The following CFAP46 variants were observed in gnomAD, a reference collection of about 807,000 sequenced individuals.
CFAP46 encodes cilia- and flagella-associated protein 46.
CFAP46 carries 245 observed loss-of-function variants against 325.7 expected under a neutral mutation model. The ratio of observed to expected loss-of-function variants is 0.75; its 90% CI spans 0.68 to 0.84. CFAP46 has a LOEUF of 0.84. Among genes scored for constraint, CFAP46 ranks in the 40% least tolerant of loss-of-function variants. CFAP46 has a pLI of 0.00. For synonymous variants in CFAP46, 1,523 were observed against 1,495.9 expected, an observed-to-expected ratio of 1.02 and a Z score of -0.42; for missense variants, 3,346 against 3,543.0, an observed-to-expected ratio of 0.94 and a Z score of 1.41.
chr10:132,897,061 A>G (rs1849329695), intron 24 of CFAP46, among the ~76,000 whole-genome samples: 1 of 152,222 alleles, frequency 6.6e-6, no homozygotes, highest in Admixed American at 6.5e-5. Context: ...ATCCACATGG[A>G]AAAGGCTGAT....
intron 39 of CFAP46, among the ~76,000 whole-genome samples, chr10:132,854,276 C>A (rs1356418223): frequency 6.6e-6 from 1 of 152,106 alleles, no homozygotes; most frequent in Non-Finnish European, 1.5e-5. Context: ...ATGACATTTG[C>A]TATTTATTTT....
chr10:132,820,154 G>A (rs1055619023), intron 50 of CFAP46, among the ~76,000 whole-genome samples: 10 of 152,262 alleles, frequency 6.6e-5, no homozygotes, highest in East Asian at 3.8e-4. Context: ...TAAAGGTGAC[G>A]ACGGAGCAGG....
chr10:132,929,848 C>T (rs188690422), intron 8 of CFAP46, 44 bp from the exon 9 acceptor site: 401 of 1,450,180 alleles, frequency 2.8e-4, no homozygotes, highest in Non-Finnish European at 3.6e-4. Context: ...ATAGGGGGCA[C>T]AGGAAACATG....
Position 132,899,534 on chromosome 10 carries a change from C to A in CFAP46, c.3056+1G>T, listed in dbSNP as rs1448087726. The A allele has an allele frequency of 3.2e-6, 5 of 1,546,148 alleles. No individual in the cohort carries two copies. Among genetic ancestry groups the A allele is most frequent in the Non-Finnish European group, 4.4e-6 (5 of 1,145,460 alleles). On this transcript the variant is annotated splice_donor_variant, in intron 23 of 57. Coordinates refer to ENST00000368586, the MANE Select transcript of CFAP46 (RefSeq NM_001200049.3). LOFTEE classifies it high-confidence loss of function. The stretch of plus-strand genomic sequence containing the variant: ...CACCCCAGCCCCTTAGAGCCACACA[C>A]CTGGCGCTCTCCGTGAAGGCCTTGG...
intron 34 of CFAP46, 68 bp downstream of exon 34, chr10:132,867,307 C>T (rs1356204755): frequency 6.6e-7 from 1 of 1,520,786 alleles, no homozygotes; most frequent in African/African-American, 1.4e-5. Context: ...AGCTGCAGCC[C>T]TGCATGGCCA....
At chr10:132,879,005 C>CG (rs1564787657) in intron 29 of CFAP46, among the ~76,000 whole-genome samples, 1 of 152,152 alleles carries the variant, frequency 6.6e-6, no homozygotes, top group Admixed American at 6.5e-5. Flanking sequence ...CGTCAGCGGG[C>CG]GGTTCAGGAG....
In CFAP46 at chr10:132,902,722, G is replaced by A. The variant is rs562445070; in HGVS notation, c.2925-3056C>T. Among the ~76,000 whole-genome samples, 65 of 152,296 alleles carry A rather than the reference G, an allele frequency of 4.3e-4. 1 individual carries two copies. The highest frequency in any genetic ancestry group is 1.5e-3 in the African/African-American group (64 of 41,556). On this transcript the variant is annotated intron_variant, in intron 22 of 57. Transcript: ENST00000368586. ...AATTTCTTACTTTATGCTGGACGTC[G>A]TGAGGGCTCTGCTGCTGAAAGTGTG...
Position 132,929,780 on chromosome 10 carries a change from C to T in CFAP46, c.891G>A (p.Ala297=), listed in dbSNP as rs114232252. 9.9e-6 allele frequency: 16 copies of T among 1,609,160 alleles called. 1 individual carries two copies. In the Middle Eastern group the frequency reaches 6.6e-4, roughly 67 times the overall value. Residue 297 remains alanine (A), a synonymous_variant, in exon 9 of 58, where the codon GCG becomes GCA. Transcript: ENST00000368586. ...EEKMLLLFEL[A]RFSLTLKCME... Reference sequence around the variant, plus strand: ...TGCATTTCAAGGTCAAGGAAAAACGCGCCAATTCAAAAAGCAAAAGCATTC... The same window carrying T: ...TGCATTTCAAGGTCAAGGAAAAACGTGCCAATTCAAAAAGCAAAAGCATTC...
chr10:132,931,077 C>T (rs1435574980), intron 8 of CFAP46, among the ~76,000 whole-genome samples: 1 of 95,544 alleles, frequency 1.0e-5, no homozygotes, highest in Admixed American at 9.9e-5. Context: ...CTCCTCTCCA[C>T]ACAGAGCCTG....
At chr10:132,850,122 A>G (rs1848511611) in intron 41 of CFAP46, 122 bp downstream of exon 41, 2 of 1,019,882 alleles carry the variant, frequency 2.0e-6, no homozygotes, top group Non-Finnish European at 2.9e-6. Flanking sequence ...TACTTCCTAC[A>G]TTTTTCTCTC....
rs1284517127 is a variant in CFAP46 at position 132,899,072 on chromosome 10, G to T, written c.3106C>A (p.His1036Asn). 1 of 1,550,382 alleles carries T rather than the reference G, an allele frequency of 6.5e-7. No individual in the cohort carries two copies. Among genetic ancestry groups the T allele is most frequent in the African/African-American group, 1.4e-5 (1 of 73,040 alleles). ...SSALVMLAARHYWNAWLPLLS... is the reference protein window; with the variant it reads ...SSALVMLAARNYWNAWLPLLS... ...AGTGGGAGCCAGGCGTTCCAGTAAT[G>T]CCGCGCGGCCAGCATCACCAGGGCG... Residue 1036 changes from histidine (H) to asparagine (N), a missense_variant, in exon 24 of 58, where the codon CAT becomes AAT. Physicochemically the swap from His to Asn is moderately conservative, Grantham distance 68. Coordinates refer to ENST00000368586, the MANE Select transcript of CFAP46 (RefSeq NM_001200049.3).
chr10:132,854,733 T>C (rs929173761), intron 39 of CFAP46, among the ~76,000 whole-genome samples: 1 of 152,172 alleles, frequency 6.6e-6, no homozygotes, highest in Non-Finnish European at 1.5e-5. Context: ...GTTCACAACA[T>C]TGTGCCACCA....
At chr10:132,815,421 C>T (rs911848294) in intron 50 of CFAP46, among the ~76,000 whole-genome samples, 7 of 152,222 alleles carry the variant, frequency 4.6e-5, no homozygotes, top group African/African-American at 1.7e-4. Context: ...ATGGGGCCCA[C>T]TGCCTGACCG....
intron 7 of CFAP46, among the ~76,000 whole-genome samples, chr10:132,936,712 G>A (rs528729358): frequency 4.0e-5 from 6 of 150,238 alleles, no homozygotes; most frequent in East Asian, 1.9e-4. Context: ...GCTTAAAGCC[G>A]CCCTCTCCCT....
rs189703167 is a variant in CFAP46, at chr10:132,884,589, C to T, written c.3627+514G>A. Among the ~76,000 whole-genome samples, 72 of 152,278 alleles carry T rather than the reference C, an allele frequency of 4.7e-4. No individual in the cohort carries two copies. Among genetic ancestry groups the T allele is most frequent in the African/African-American group, 1.6e-3 (65 of 41,566 alleles). On this transcript the variant is annotated intron_variant, in intron 27 of 57. Coordinates refer to ENST00000368586, the MANE Select transcript of CFAP46 (RefSeq NM_001200049.3). The surrounding 1 kb of genome is among the most constrained non-coding windows in gnomAD (Gnocchi z 5.4). ...CTGACAAGCAGAGGCATCAAATCAA[C>T]GCCAAAGCACCCACCTCCTCCTGAG...
chr10:132,901,057 T>C (rs1591080744), intron 22 of CFAP46, among the ~76,000 whole-genome samples: 1 of 152,256 alleles, frequency 6.6e-6, no homozygotes, highest in Non-Finnish European at 1.5e-5. Context: ...GGTTGGCACT[T>C]GCAGAGTGCC....
chr10:132,885,800 G>T (rs902792848), intron 26 of CFAP46, 21 bp downstream of exon 26: 14 of 1,539,694 alleles, frequency 9.1e-6, no homozygotes, highest in Non-Finnish European at 1.1e-5. Context: ...AGCACTCACA[G>T]GCGGTGGGGG....
Position 132,941,609 on chromosome 10 carries a change from CG to C in CFAP46, c.287del (p.Pro96ArgfsTer14). 1 of 1,613,368 alleles carries C rather than the reference CG, an allele frequency of 6.2e-7. No individual in the cohort carries two copies. ...AHLCRAQMCA[P>X]KSAENLEEFE... Reference sequence around the variant, plus strand: ...CTCTCACCAGGTTTTCTGCCGACTTCGGGGCACACATCTGGGCCCTGCACAG... The same window carrying C: ...CTCTCACCAGGTTTTCTGCCGACTTCGGGCACACATCTGGGCCCTGCACAG... On this transcript the variant is annotated frameshift_variant, in exon 3 of 58. Transcript: ENST00000368586. LOFTEE classifies it high-confidence loss of function.
chr10:132,868,317 C>T (rs1471611885), intron 33 of CFAP46, among the ~76,000 whole-genome samples: 2 of 152,236 alleles, frequency 1.3e-5, no homozygotes, highest in Admixed American at 1.3e-4. Context: ...ACCCTATGGC[C>T]TCCACAACTC....
Sources: allele counts gnomAD v4.1 joint callset (sites outside exome capture counted in the v4.1 genomes callset), GRCh38; gene constraint gnomAD v4.1.1; non-coding constraint Gnocchi (gnomAD v3.1); transcripts MANE v1.5; gene names NCBI Gene and HGNC (gene_info 2026-07-23, HGNC 2026-07-21).